The following CNOT4 variants were observed in gnomAD, a reference collection of about 807,000 sequenced individuals.
The protein encoded by CNOT4 is CCR4-NOT transcription complex subunit 4, also known as CCR4-associated factor 4.
Under a neutral mutation model 73.8 loss-of-function variants are expected in CNOT4, and 8 were observed. The observed-to-expected ratio is 0.11, with a 90% CI of 0.06 to 0.20. The LOEUF (loss-of-function observed/expected upper bound fraction) is 0.20, where lower values mean the gene tolerates loss of function less well. Ranked by LOEUF, CNOT4 falls within the 10% of genes least tolerant of loss-of-function variation. The pLI is 1.00. For synonymous variants in CNOT4, 293 were observed against 321.1 expected (o/e 0.91, Z 0.94); for missense variants, 564 against 883.4 (o/e 0.64, Z 4.58).
rs79763360 is a variant in CNOT4, at chr7:135,441,140, C to T, written c.-92-2717G>A. Among the ~76,000 whole-genome samples, 347 of 151,914 alleles carry T rather than the reference C, an allele frequency of 2.3e-3. 13 individuals carry two copies. In the East Asian group the frequency reaches 0.055, roughly 24 times the overall value. On this transcript the variant is annotated intron_variant, in intron 1 of 11. Coordinates refer to ENST00000541284, the MANE Select transcript of CNOT4 (RefSeq NM_001190850.2). ...TTCGCTAAGAAAATAAACACATGGA[C>T]GTTTAGACACCAAAATGTTGTTATT...
rs757942776 is a variant in CNOT4, at chr7:135,363,456, G to A, written c.1841-270C>T. Reference sequence around the variant, plus strand: ...CACCATTCCCCAGAACTGCCTGATGGCATTTCCCAATTGTGCTTTTCCTCC... The same window carrying A: ...CACCATTCCCCAGAACTGCCTGATGACATTTCCCAATTGTGCTTTTCCTCC... On this transcript the variant is annotated intron_variant, in intron 11 of 11. Transcript: ENST00000541284. The surrounding 1 kb of genome is among the most constrained non-coding windows in gnomAD (Gnocchi z 4.3). Among the ~76,000 whole-genome samples, 1 of 152,198 alleles carries A rather than the reference G, an allele frequency of 6.6e-6. No homozygotes were observed. Among genetic ancestry groups the A allele is most frequent in the African/African-American group, 2.4e-5 (1 of 41,438 alleles).
chr7:135,422,442 T>C (rs999063494), intron 2 of CNOT4, 89 bp from the exon 3 acceptor site: 5 of 697,632 alleles, frequency 7.2e-6, no homozygotes, highest in African/African-American at 3.6e-5. Flanking sequence ...GGTGGGTATG[T>C]GGTTATCTGT....
At chr7:135,463,235 A>G (rs1353775017) in intron 1 of CNOT4, among the ~76,000 whole-genome samples, 1 of 152,170 alleles carries the variant, frequency 6.6e-6, no homozygotes, top group Non-Finnish European at 1.5e-5. Flanking sequence ...TGTAAAACCC[A>G]AAACTATAAA....
At chr7:135,369,421 CCA>C (rs1486474250) in intron 10 of CNOT4, among the ~76,000 whole-genome samples, 1 of 152,094 alleles carries the variant, frequency 6.6e-6, no homozygotes, top group African/African-American at 2.4e-5. Context: ...ACTGAGAGAC[CCA>C]GTCACAAAAT....
intron 10 of CNOT4, among the ~76,000 whole-genome samples, chr7:135,365,444 G>C (rs1270493125): frequency 6.6e-6 from 1 of 152,034 alleles, no homozygotes; most frequent in East Asian, 1.9e-4. Flanking sequence ...GGTTTACAAG[G>C]CACTCTCATA....
chr7:135,451,386 C>T (rs901930193), intron 1 of CNOT4, among the ~76,000 whole-genome samples: 1 of 152,136 alleles, frequency 6.6e-6, no homozygotes, highest in Non-Finnish European at 1.5e-5. Context: ...ATCCACCTCC[C>T]GAGTTCAAGC....
chr7:135,412,404 T>C (rs76181375), intron 6 of CNOT4, among the ~76,000 whole-genome samples: 3 of 151,966 alleles, frequency 2.0e-5, no homozygotes, highest in African/African-American at 7.2e-5. Flanking sequence ...CCTCTACTAA[T>C]TAAAATTTAG....
chr7:135,479,198 ATTTTTTTTTT>A (rs61487024), intron 1 of CNOT4, among the ~76,000 whole-genome samples: 14 of 89,872 alleles, frequency 1.6e-4, no homozygotes, highest in Admixed American at 3.6e-4. Context: ...TTAGAACCAA[ATTTTTTTTTT>A]TTTTTTTTTT....
chr7:135,471,900 C>T (rs1170644494), intron 1 of CNOT4, among the ~76,000 whole-genome samples: 2 of 152,036 alleles, frequency 1.3e-5, no homozygotes, highest in South Asian at 2.1e-4. Flanking sequence ...TGGCCAGGCG[C>T]GGTGGCTCAC....
intron 10 of CNOT4, among the ~76,000 whole-genome samples, chr7:135,376,334 A>G (rs773402312): frequency 1.1e-4 from 17 of 152,128 alleles, no homozygotes; most frequent in South Asian, 2.1e-4. Flanking sequence ...ACAGCCTCCT[A>G]AAAACCATGC....
intron 2 of CNOT4, among the ~76,000 whole-genome samples, chr7:135,427,055 A>C (rs1432196799): frequency 1.3e-5 from 2 of 152,208 alleles, no homozygotes; most frequent in Non-Finnish European, 2.9e-5. Flanking sequence ...ATTGTGCATT[A>C]CATATCAAAC....
intron 10 of CNOT4, chr7:135,384,564 C>T (rs1451396301): frequency 7.2e-6 from 5 of 691,594 alleles, no homozygotes; most frequent in Admixed American, 2.0e-5. Flanking sequence ...GGATTACAGG[C>T]GTGAGCCACC....
intron 10 of CNOT4, among the ~76,000 whole-genome samples, chr7:135,366,429 G>GACAAATT (rs1794919139): frequency 6.6e-6 from 1 of 152,160 alleles, no homozygotes; most frequent in Admixed American, 6.5e-5. Flanking sequence ...TGTTTTAAGG[G>GACAAATT]ACATTTGTTC....
At chr7:135,376,946 G>A (rs575434588) in intron 10 of CNOT4, among the ~76,000 whole-genome samples, 116 of 152,204 alleles carry the variant, frequency 7.6e-4, no homozygotes, top group Non-Finnish European at 1.3e-3. Flanking sequence ...AATTATTTCA[G>A]AAAATGATAT....
At position 135,499,559 on chromosome 7, in the gene CNOT4, G is replaced by C. The variant is rs3812298; in HGVS notation, c.-93+10330C>G. ...TCAAATTTTCGAACAGTTTGGAAAA[G>C]ATTTTTCAAACAGGGAGTCGTTTTC... is the stretch of plus-strand genomic sequence containing the variant. On this transcript the variant is annotated intron_variant, in intron 1 of 11. Coordinates refer to ENST00000541284, the MANE Select transcript of CNOT4 (RefSeq NM_001190850.2). 3.3e-5 allele frequency among the ~76,000 whole-genome samples: 5 copies of C among 151,964 alleles called. No homozygotes were observed. The East Asian group carries it at 9.6e-4, about 29-fold the overall frequency.
At chr7:135,442,715 C>T (rs1168599631) in intron 1 of CNOT4, among the ~76,000 whole-genome samples, 1 of 152,110 alleles carries the variant, frequency 6.6e-6, no homozygotes, top group African/African-American at 2.4e-5. Context: ...CCAATGATTT[C>T]CTGAGTGGGG....
intron 10 of CNOT4, among the ~76,000 whole-genome samples, chr7:135,390,861 C>A (rs1416979048): frequency 6.6e-6 from 1 of 151,972 alleles, no homozygotes; most frequent in African/African-American, 2.4e-5. Flanking sequence ...AATATATATG[C>A]CTTTCCAGAG....
At position 135,362,811 on chromosome 7, in the gene CNOT4, T is replaced by G; in HGVS notation, c.*74A>C. The G allele has an allele frequency of 7.6e-7, 1 of 1,308,216 alleles. No homozygotes were observed. The highest frequency in any genetic ancestry group is 1.1e-6 in the Non-Finnish European group (1 of 901,124). 81.0% of individuals were successfully genotyped at this position (1,308,216 alleles called of 1,614,324 possible). On this transcript the variant is annotated 3_prime_UTR_variant, in exon 12 of 12. Coordinates refer to ENST00000541284, the MANE Select transcript of CNOT4 (RefSeq NM_001190850.2). ...AGAACATAAGAGATGAGAAGGGAGC[T>G]GTGGGTGGTGGGCTGAGAGGGAGAA...
chr7:135,503,126 C>A (rs562590885), intron 1 of CNOT4, among the ~76,000 whole-genome samples: 16 of 152,024 alleles, frequency 1.1e-4, no homozygotes, highest in African/African-American at 3.9e-4. Flanking sequence ...GCCACTTTAG[C>A]CTGGGTGACA....
Sources: allele counts gnomAD v4.1 joint callset (sites outside exome capture counted in the v4.1 genomes callset), GRCh38; gene constraint gnomAD v4.1.1; non-coding constraint Gnocchi (gnomAD v3.1); transcripts MANE v1.5; gene names NCBI Gene and HGNC (gene_info 2026-07-23, HGNC 2026-07-21).